Variants in RANBP9 observed in about 807,000 individuals in gnomAD.
RANBP9 encodes ran-binding protein 9.
In RANBP9, 15 loss-of-function variants were observed where a neutral mutation model predicts 84.3. The observed-to-expected ratio is 0.18, with a 90% CI of 0.12 to 0.27. RANBP9 has a LOEUF of 0.27. Among genes scored for constraint, RANBP9 ranks in the 10% least tolerant of loss-of-function variants. The pLI is 1.00. For synonymous variants in RANBP9, 392 were observed against 349.6 expected (o/e 1.12, Z -1.35); for missense variants, 809 against 912.8 (o/e 0.89, Z 1.46).
intron 10 of RANBP9, 114 bp downstream of exon 10, chr6:13,637,694 A>G: frequency 1.8e-6 from 2 of 1,089,466 alleles, no homozygotes; most frequent in Non-Finnish European, 1.3e-6. Context: ...GGGCTTAAGA[A>G]CTCCCAGAGC....
In RANBP9 at chr6:13,634,525, G is replaced by A. The variant is rs1241519016; in HGVS notation, c.1701C>T (p.His567=). The A allele has an allele frequency of 1.2e-5, 20 of 1,612,520 alleles. No homozygotes were observed. The highest frequency in any genetic ancestry group is 1.5e-5 in the Non-Finnish European group (18 of 1,178,912). ...AAGTTTCTCCAACTCCATTGGAGTA[G>A]TGATCTGTTTCCATGTCTACATCAT... ...TSNDVDMETD[H]YSNGVGETSS... is the part of the protein sequence containing the mutation. The change falls in exon 11 of 14, where the codon CAC becomes CAT. Residue 567 remains histidine, a synonymous_variant. Coordinates refer to ENST00000011619, the MANE Select transcript of RANBP9 (RefSeq NM_005493.3).
In RANBP9 at chr6:13,688,982, C is replaced by CAAAA. The variant is rs1164073062; in HGVS notation, c.683+7799_683+7802dup. Among the ~76,000 whole-genome samples, 89 of 29,930 alleles carry CAAAA rather than the reference C, an allele frequency of 3.0e-3. 4 individuals carry two copies. Among genetic ancestry groups the CAAAA allele is most frequent in the African/African-American group, 9.1e-3 (87 of 9,568 alleles). 19.6% of individuals were successfully genotyped at this position (29,930 alleles called of 152,430 possible). ...TGCAACATACCGAGACCCATCTCCACAAAAAAAAAAAAAAAAAAAAAATGC... is the reference window on the plus strand; with the variant it reads ...TGCAACATACCGAGACCCATCTCCACAAAAAAAAAAAAAAAAAAAAAAAAAATGC... On this transcript the variant is annotated intron_variant, in intron 2 of 13. Coordinates refer to ENST00000011619, the MANE Select transcript of RANBP9 (RefSeq NM_005493.3).
intron 7 of RANBP9, among the ~76,000 whole-genome samples, chr6:13,641,524 T>A (rs993362820): frequency 6.6e-6 from 1 of 152,136 alleles, no homozygotes; most frequent in Non-Finnish European, 1.5e-5. Flanking sequence ...AATTTTTTTT[T>A]TAAAATCACG....
At chr6:13,670,625 T>A (rs1584933841) in intron 2 of RANBP9, among the ~76,000 whole-genome samples, 1 of 151,396 alleles carries the variant, frequency 6.6e-6, no homozygotes, top group East Asian at 2.0e-4. Context: ...TGAAACCCCG[T>A]CTCTACCAAA....
intron 1 of RANBP9, among the ~76,000 whole-genome samples, chr6:13,705,883 A>AAAAAG (rs1430478877): frequency 6.6e-6 from 1 of 151,662 alleles, no homozygotes; most frequent in Admixed American, 6.6e-5. Flanking sequence ...AAAAAAAAAA[A>AAAAAG]AAAGAAACAT....
chr6:13,692,293 T>C (rs1766338467), intron 2 of RANBP9, among the ~76,000 whole-genome samples: 1 of 151,930 alleles, frequency 6.6e-6, no homozygotes. Context: ...CCCAGCACTT[T>C]GGGAGGCCGA....
chr6:13,670,801 G>GAA (rs796204005), intron 2 of RANBP9, among the ~76,000 whole-genome samples: 56 of 56,742 alleles, frequency 9.9e-4, no homozygotes, highest in African/African-American at 2.9e-3. Flanking sequence ...TTCCATCTTA[G>GAA]AAAAAAAAAA....
rs1235977594 is a variant in RANBP9 at position 13,682,456 on chromosome 6, AT to A, written c.683+14328del. ...CAGTATTCAATGTTCTTAATACATA[AT>A]TTTTTTTTTTAATTGATGGAGTTTT... On this transcript the variant is annotated intron_variant, in intron 2 of 13. Transcript: ENST00000011619. Among the ~76,000 whole-genome samples, 610 of 148,086 alleles carry A rather than the reference AT, an allele frequency of 4.1e-3. 3 individuals carry two copies. The highest frequency in any genetic ancestry group is 0.013 in the African/African-American group (545 of 40,626).
chr6:13,708,859 C>G (rs544742977), intron 1 of RANBP9, among the ~76,000 whole-genome samples: 20 of 150,858 alleles, frequency 1.3e-4, no homozygotes, highest in Admixed American at 4.0e-4. Flanking sequence ...TCTACAGTAA[C>G]AAGACAAGAG....
In RANBP9 at chr6:13,641,424, A is replaced by G. The variant is rs572686127; in HGVS notation, c.1226-117T>C. 4.3e-5 allele frequency: 27 copies of G among 628,312 alleles called. No homozygotes were observed. The African/African-American group carries it at 5.2e-4, about 12-fold the overall frequency. 38.9% of individuals were successfully genotyped at this position (628,312 alleles called of 1,614,324 possible). ...CTTTAAATAAATTATGATTAATTTC[A>G]ATTTCTTTCTCTAACATCATAGTTT... On this transcript the variant is annotated intron_variant, in intron 7 of 13. Coordinates refer to ENST00000011619, the MANE Select transcript of RANBP9 (RefSeq NM_005493.3).
At chr6:13,683,068 A>C (rs777455069) in intron 2 of RANBP9, among the ~76,000 whole-genome samples, 114 of 152,358 alleles carry the variant, frequency 7.5e-4, no homozygotes, top group Non-Finnish European at 1.3e-3. Flanking sequence ...ACAAAGAATC[A>C]CTGGGATGAA....
rs780793088 is a variant in RANBP9 at position 13,639,575 on chromosome 6, C to T, written c.1513G>A (p.Ala505Thr). 58 of 1,605,104 alleles carry T rather than the reference C, an allele frequency of 3.6e-5. No homozygotes were observed. In the Admixed American group the frequency reaches 3.8e-4, roughly 11 times the overall value. Residue 505 changes from alanine (A) to threonine (T), a missense_variant, in exon 9 of 14, where the codon GCA (alanine) becomes ACA (threonine). Ala to Thr is a moderately conservative substitution (Grantham distance 58). Around this residue, in one of 5 missense-constraint regions of RANBP9, gnomAD observed 216 missense variants for 329.0 expected, o/e 0.66. Coordinates refer to ENST00000011619, the MANE Select transcript of RANBP9 (RefSeq NM_005493.3). ...HNLASGKGST[A>T]HFSGFESCSN... is the part of the protein sequence containing the mutation. ...AGTTAAATCTCACCTGAAAAATGTG[C>T]GGTGCTTCCTTTGCCTGATGCTAAA...
intron 11 of RANBP9, among the ~76,000 whole-genome samples, chr6:13,633,674 G>A (rs1764853262): frequency 1.3e-5 from 2 of 152,180 alleles, no homozygotes; most frequent in Non-Finnish European, 2.9e-5. Context: ...AGAAACTGAG[G>A]TGGCTGATAT....
At chr6:13,658,681 A>G in intron 3 of RANBP9, 99 bp downstream of exon 3, 1 of 1,013,232 alleles carries the variant, frequency 9.9e-7, no homozygotes, top group South Asian at 1.4e-5. Flanking sequence ...AAAAACACAG[A>G]AAATCAGTAT....
intron 3 of RANBP9, 48 bp from the exon 4 acceptor site, chr6:13,657,324 T>C: frequency 1.3e-6 from 2 of 1,492,748 alleles, no homozygotes; most frequent in Non-Finnish European, 1.8e-6. Context: ...AAGGTTCCTC[T>C]GTACTAGGTT....
At chr6:13,677,263 A>G (rs1765911067) in intron 2 of RANBP9, among the ~76,000 whole-genome samples, 1 of 152,158 alleles carries the variant, frequency 6.6e-6, no homozygotes, top group African/African-American at 2.4e-5. Flanking sequence ...GCACCAACAA[A>G]AAGGAAATAA....
chr6:13,657,974 C>T (rs1164469444), intron 3 of RANBP9, among the ~76,000 whole-genome samples: 1 of 152,116 alleles, frequency 6.6e-6, no homozygotes, highest in African/African-American at 2.4e-5. Context: ...CCTTGTACTT[C>T]AAAAAGTCTC....
intron 1 of RANBP9, among the ~76,000 whole-genome samples, chr6:13,709,413 T>C (rs1758215761): frequency 6.6e-6 from 1 of 152,254 alleles, no homozygotes; most frequent in Non-Finnish European, 1.5e-5. Context: ...GCAAATTATT[T>C]ACTGTCAACC....
intron 2 of RANBP9, 119 bp from the exon 3 acceptor site, chr6:13,658,951 C>A: frequency 1.1e-6 from 1 of 898,148 alleles, no homozygotes; most frequent in South Asian, 1.5e-5. Context: ...CCTAAGGTAG[C>A]AACAAAAATT....
Sources: gnomAD v4.1 joint callset for allele counts (sites outside exome capture counted in the v4.1 genomes callset) on GRCh38, gnomAD v4.1.1 for gene constraint, gnomAD v4.1.1 regional missense constraint, MANE v1.5 for transcripts, NCBI Gene and HGNC (gene_info 2026-07-23, HGNC 2026-07-21) for gene names.